MTFR1L: variants seen among roughly 807,000 people sequenced by gnomAD.
The protein encoded by MTFR1L is mitochondrial fission regulator 1 like.
Under a neutral mutation model 27.9 loss-of-function variants are expected in MTFR1L, and 10 were observed. That is an observed-to-expected ratio of 0.36 (90% CI 0.22 to 0.61). MTFR1L has a LOEUF of 0.61. Among genes scored for constraint, MTFR1L ranks in the 20% least tolerant of loss-of-function variants. MTFR1L has a pLI of 0.73. For synonymous variants in MTFR1L, 151 were observed against 139.4 expected, an observed-to-expected ratio of 1.08 and a Z score of -0.58; for missense variants, 315 against 363.7, an observed-to-expected ratio of 0.87 and a Z score of 1.09.
At chr1:25,830,552 C>T (rs892461017) in intron 6 of MTFR1L, among the ~76,000 whole-genome samples, 1 of 152,196 alleles carries the variant, frequency 6.6e-6, no homozygotes, top group South Asian at 2.1e-4. Flanking sequence ...TTGTGGGTTG[C>T]GGTTTCAACA....
rs773177130 is a variant in MTFR1L, at chr1:25,826,722, C to G, written c.347C>G (p.Ala116Gly). The G allele has an allele frequency of 6.2e-7, 1 of 1,614,116 alleles. No homozygotes were observed. Among genetic ancestry groups the G allele is most frequent in the Non-Finnish European group, 8.5e-7 (1 of 1,180,002 alleles). ...CGTGGGTCCGAGGAGAGGCTTCTGG[C>G]CCTGAAGAAGCCAGCTCTGCCAGCC... ...NLRGSEERLLALKKPALPALS... is the reference protein window; with the variant it reads ...NLRGSEERLLGLKKPALPALS... Residue 116 changes from alanine to glycine, a missense_variant, in exon 5 of 7, where the codon GCC becomes GGC. By Grantham distance (60) the Ala-to-Gly change is moderately conservative. Coordinates refer to ENST00000374303, the MANE Select transcript of MTFR1L (RefSeq NM_001099625.2). This position sits in a 1 kb window ranked among gnomAD's most constrained non-coding sequence, Gnocchi z 4.1.
intron 2 of MTFR1L, 144 bp downstream of exon 2, chr1:25,823,272 C>T (rs758920580): frequency 2.3e-6 from 2 of 863,916 alleles, no homozygotes; most frequent in Non-Finnish European, 3.9e-6. Context: ...CCGTTTCACT[C>T]CCTCCCCCTA....
At position 25,829,629 on chromosome 1, in the gene MTFR1L, A is replaced by T; in HGVS notation, c.572A>T (p.Glu191Val). The T allele has an allele frequency of 1.9e-6, 3 of 1,614,148 alleles. No homozygotes were observed. Among genetic ancestry groups the T allele is most frequent in the Non-Finnish European group, 1.7e-6 (2 of 1,180,022 alleles). The change falls in exon 6 of 7, where the codon GAG becomes GTG. Residue 191 changes from glutamate (E) to valine (V), a missense_variant. By Grantham distance (121) the Glu-to-Val change is moderately radical. Coordinates refer to ENST00000374303, the MANE Select transcript of MTFR1L (RefSeq NM_001099625.2). ...TCCTTTGTCATTAGTGACATCACCG[A>T]GGAGACAGAGGTGGAGGTCCCTGAG... ...TTSFVISDIT[E>V]ETEVEVPELP...
intron 1 of MTFR1L, chr1:25,820,487 C>A: frequency 2.7e-6 from 1 of 366,558 alleles, no homozygotes; most frequent in Admixed American, 3.9e-5. Context: ...CCGCGCGGGT[C>A]TCCGGCCACT....
intron 6 of MTFR1L, among the ~76,000 whole-genome samples, chr1:25,830,503 A>T (rs2124484486): frequency 6.6e-6 from 1 of 152,324 alleles, no homozygotes; most frequent in Admixed American, 6.5e-5. Context: ...CTGGCAAAGA[A>T]GCCTCAGGGA....
At chr1:25,823,870 T>C in intron 3 of MTFR1L, 122 bp downstream of exon 3, 1 of 1,237,644 alleles carries the variant, frequency 8.1e-7, no homozygotes, top group Admixed American at 2.7e-5. Context: ...TATGAAATAT[T>C]TGTTAAATGC....
chr1:25,821,992 T>G (rs1350776639), intron 1 of MTFR1L: 1 of 152,250 alleles, frequency 6.6e-6, no homozygotes, highest in Non-Finnish European at 1.5e-5. Flanking sequence ...AACAAGTGAA[T>G]GAACGAGCAC....
Position 25,822,818 on chromosome 1 carries a change from G to A in MTFR1L, c.-86-201G>A, listed in dbSNP as rs569444499. On this transcript the variant is annotated intron_variant, in intron 1 of 6. Coordinates refer to ENST00000374303, the MANE Select transcript of MTFR1L (RefSeq NM_001099625.2). ...TGGGATTACAGATGTGAGCCACTGC[G>A]CCTGGCCGCAGATCTTTAACAGAAC... 16 of 603,686 alleles carry A rather than the reference G, an allele frequency of 2.7e-5. No individual in the cohort carries two copies. The East Asian group carries it at 3.6e-4, about 13-fold the overall frequency. 37.4% of individuals were successfully genotyped at this position (603,686 alleles called of 1,614,324 possible).
At chr1:25,823,965 CACTG>C (rs1298141621) in intron 3 of MTFR1L, among the ~76,000 whole-genome samples, 1 of 152,224 alleles carries the variant, frequency 6.6e-6, no homozygotes. Context: ...CCACATGGGA[CACTG>C]ACTATTGTGA....
In MTFR1L at chr1:25,826,893, T is replaced by C. The variant is rs1572250030; in HGVS notation, c.451+67T>C. On this transcript the variant is annotated intron_variant, in intron 5 of 6. Coordinates refer to ENST00000374303, the MANE Select transcript of MTFR1L (RefSeq NM_001099625.2). The surrounding 1 kb of genome is among the most constrained non-coding windows in gnomAD (Gnocchi z 4.1). ...CCTTTCCCCTGGCTCTTGGGCAGGA[T>C]AGGGGTAAAGAAAGTGGTAATCCTT... is the stretch of plus-strand genomic sequence containing the variant. 5.2e-6 allele frequency: 8 copies of C among 1,542,002 alleles called. No individual in the cohort carries two copies. The East Asian group carries it at 1.9e-4, about 36-fold the overall frequency.
rs2048181918 is a variant in MTFR1L, at chr1:25,827,350, G to A, written c.451+524G>A. ...AGAGTTCCACCATGTTGGCCAGGCT[G>A]GTCTTGTATTCCTGACCTCAGATGA... On this transcript the variant is annotated intron_variant, in intron 5 of 6. Transcript: ENST00000374303. 3.3e-5 allele frequency among the ~76,000 whole-genome samples: 5 copies of A among 152,138 alleles called. No homozygotes were observed. In the South Asian group the frequency reaches 1.0e-3, roughly 32 times the overall value.
intron 1 of MTFR1L, 109 bp downstream of exon 1, chr1:25,820,138 GCGCGAGTTCT>G: frequency 2.2e-6 from 1 of 450,720 alleles, no homozygotes; most frequent in Non-Finnish European, 4.4e-6. Context: ...TCCTGTTCCC[GCGCGAGTTCT>G]CGCGGGAGCC....
At position 25,820,047 on chromosome 1, in the gene MTFR1L, G is replaced by C. The variant is rs2124465001; in HGVS notation, c.-87+18G>C. 2.5e-6 allele frequency: 1 copy of C among 395,772 alleles called. No homozygotes were observed. Among genetic ancestry groups the C allele is most frequent in the Admixed American group, 3.4e-5 (1 of 29,492 alleles). The allele number at this position is 395,772 out of a possible 1,614,324, so 24.5% of individuals were successfully genotyped here. The stretch of plus-strand genomic sequence containing the variant: ...AGCTTGAGGTGAGAAAGGTTCTAGG[G>C]AGGCGCGGAGGCGGGAGCGCGACCT... On this transcript the variant is annotated intron_variant, in intron 1 of 6. Transcript: ENST00000374303.
chr1:25,827,632 G>A (rs1572250694), intron 5 of MTFR1L, among the ~76,000 whole-genome samples: 1 of 152,046 alleles, frequency 6.6e-6, no homozygotes, highest in African/African-American at 2.4e-5. Context: ...GTAGAGACGG[G>A]GTTTTGCCAC....
At chr1:25,829,302 C>T (rs1379758033) in intron 5 of MTFR1L, among the ~76,000 whole-genome samples, 1 of 152,084 alleles carries the variant, frequency 6.6e-6, no homozygotes, top group African/African-American at 2.4e-5. Flanking sequence ...ACTGGAAAAG[C>T]CCAGTGCTTC....
rs2048163204 is a variant in MTFR1L at position 25,826,061 on chromosome 1, T to C, written c.130-241T>C. On this transcript the variant is annotated intron_variant, in intron 3 of 6. Transcript: ENST00000374303. This position sits in a 1 kb window ranked among gnomAD's most constrained non-coding sequence, Gnocchi z 4.1. ...TGTTGCCCAGGCTGATCTCAAACTC[T>C]TGGTCTCAAGCATTCTGCCTGCCTC... The C allele has an allele frequency of 4.4e-6, 2 of 454,926 alleles. No homozygotes were observed. Among genetic ancestry groups the C allele is most frequent in the East Asian group, 8.4e-5 (2 of 23,832 alleles). The allele number at this position is 454,926 out of a possible 1,614,324, so 28.2% of individuals were successfully genotyped here.
rs2124464729 is a variant in MTFR1L at position 25,819,964 on chromosome 1, AG to A, written c.-150del. ...GGGTCAGCGGAAGTGAGGGCGGTTGAGGCTGGGCGGCCCAAGGTGGAAGGAG... is the reference window on the plus strand; with the variant it reads ...GGGTCAGCGGAAGTGAGGGCGGTTGAGCTGGGCGGCCCAAGGTGGAAGGAG... On this transcript the variant is annotated 5_prime_UTR_variant, in exon 1 of 7. Coordinates refer to ENST00000374303, the MANE Select transcript of MTFR1L (RefSeq NM_001099625.2). 1 of 317,172 alleles carries A rather than the reference AG, an allele frequency of 3.2e-6. No homozygotes were observed. Among genetic ancestry groups the A allele is most frequent in the African/African-American group, 2.3e-5 (1 of 43,020 alleles). The allele number at this position is 317,172 out of a possible 1,614,324, so 19.6% of individuals were successfully genotyped here.
In MTFR1L at chr1:25,826,663, T is replaced by G; in HGVS notation, c.288T>G (p.Ile96Met). ...ACACCTGGAAACCCAGCCCTCTGAT[T>G]GTCATGCAGCGCAATGCCTCTGTTC... The part of the protein sequence containing the change: ...LRHTWKPSPL[I>M]VMQRNASVPN... The change falls in exon 5 of 7, where the codon ATT (isoleucine) becomes ATG (methionine). Residue 96 changes from isoleucine to methionine, a missense_variant. By Grantham distance (10) the Ile-to-Met change is conservative (BLOSUM62 1). Transcript: ENST00000374303. This position sits in a 1 kb window ranked among gnomAD's most constrained non-coding sequence, Gnocchi z 4.1. 6.2e-7 allele frequency: 1 copy of G among 1,614,172 alleles called. No homozygotes were observed. Among genetic ancestry groups the G allele is most frequent in the South Asian group, 1.1e-5 (1 of 91,086 alleles).
Position 25,830,281 on chromosome 1 carries a change from T to C in MTFR1L, c.773+451T>C, listed in dbSNP as rs1281635672. 4.6e-5 allele frequency among the ~76,000 whole-genome samples: 7 copies of C among 152,230 alleles called. No individual in the cohort carries two copies. In the South Asian group the frequency reaches 8.3e-4, roughly 18 times the overall value. ...TTCTGCTTTAAAATACAGTGGTCCA[T>C]TGTGCAAACAAACCCTGCACATTCA... is the stretch of plus-strand genomic sequence containing the variant. On this transcript the variant is annotated intron_variant, in intron 6 of 6. Transcript: ENST00000374303.
Sources: allele counts gnomAD v4.1 joint callset (sites outside exome capture counted in the v4.1 genomes callset), GRCh38; gene constraint gnomAD v4.1.1; non-coding constraint Gnocchi (gnomAD v3.1); transcripts MANE v1.5; gene names NCBI Gene and HGNC (gene_info 2026-07-23, HGNC 2026-07-21).